The following GRXCR1 variants were observed in gnomAD, a reference collection of about 807,000 sequenced individuals.
The protein encoded by GRXCR1 is glutaredoxin and cysteine rich domain containing 1, also known as glutaredoxin domain-containing cysteine-rich protein 1.
Under a neutral mutation model 27.3 loss-of-function variants are expected in GRXCR1, and 27 were observed. The ratio of observed to expected loss-of-function variants is 0.99; its 90% CI spans 0.73 to 1.37. The LOEUF (loss-of-function observed/expected upper bound fraction) is 1.37, where lower values mean the gene tolerates loss of function less well. Among genes scored for constraint, GRXCR1 ranks in the 40% most tolerant of loss-of-function variants. The pLI, the probability that GRXCR1 is intolerant of heterozygous loss-of-function variation, is 0.00. For missense variants in GRXCR1, 379 were observed against 354.4 expected (o/e 1.07, Z -0.56); for synonymous variants, 122 against 131.1 (o/e 0.93, Z 0.47).
chr4:42,968,861 T>C (rs983874665), intron 2 of GRXCR1, among the ~76,000 whole-genome samples: 3 of 152,134 alleles, frequency 2.0e-5, no homozygotes. Flanking sequence ...AGGAATATAA[T>C]ATTCTAGATG....
intron 2 of GRXCR1, among the ~76,000 whole-genome samples, chr4:42,983,058 A>C (rs1327251803): frequency 6.6e-6 from 1 of 151,756 alleles, no homozygotes; most frequent in Non-Finnish European, 1.5e-5. Context: ...TCTTTAGTTT[A>C]ATTAGATCCC....
chr4:43,014,994 C>T (rs933598451), intron 2 of GRXCR1, among the ~76,000 whole-genome samples: 1 of 152,070 alleles, frequency 6.6e-6, no homozygotes, highest in Non-Finnish European at 1.5e-5. Flanking sequence ...ATAAAGAAAG[C>T]TTTATTGAGC....
At chr4:43,011,136 A>T (rs564145996) in intron 2 of GRXCR1, among the ~76,000 whole-genome samples, 1 of 152,158 alleles carries the variant, frequency 6.6e-6, no homozygotes, top group Non-Finnish European at 1.5e-5. Flanking sequence ...TTGTTTTGAA[A>T]ACACATAATA....
chr4:42,961,258 C>A lies in GRXCR1; in HGVS notation c.385-1634C>A, dbSNP rs375441684. Among the ~76,000 whole-genome samples, 8 of 152,050 alleles carry A rather than the reference C, an allele frequency of 5.3e-5. No individual in the cohort carries two copies. The South Asian group carries it at 1.7e-3, about 32-fold the overall frequency. Reference sequence around the variant, plus strand: ...CTTTATCCGGGCTATCATTCACGGGCATTTTGGTTGATTTCACGTCTTTGC... The same window carrying A: ...CTTTATCCGGGCTATCATTCACGGGAATTTTGGTTGATTTCACGTCTTTGC... On this transcript the variant is annotated intron_variant, in intron 1 of 3. Coordinates refer to ENST00000399770, the MANE Select transcript of GRXCR1 (RefSeq NM_001080476.3).
rs552319881 is a variant in GRXCR1 at position 42,893,411 on chromosome 4, A to G, written c.145A>G (p.Ile49Val). ...SGSLDSECAS[I>V]CGIDGLGDSD... ...CTCTCTGGATTCTGAATGTGCCAGT[A>G]TCTGTGGGATAGATGGACTAGGTGA... The change falls in exon 1 of 4, where the codon ATC becomes GTC. Residue 49 changes from isoleucine to valine, a missense_variant. By Grantham distance (29) the Ile-to-Val change is conservative. Transcript: ENST00000399770. The G allele has an allele frequency of 1.1e-5, 17 of 1,613,880 alleles. No individual in the cohort carries two copies. In the South Asian group the frequency reaches 1.6e-4, roughly 16 times the overall value.
chr4:43,015,108 G>T (rs1485852283), intron 2 of GRXCR1, among the ~76,000 whole-genome samples: 1 of 152,184 alleles, frequency 6.6e-6, no homozygotes, highest in Non-Finnish European at 1.5e-5. Context: ...CATGTGTAAA[G>T]GCATAAAATC....
rs10213360 is a variant in GRXCR1 at position 42,963,142 on chromosome 4, A to T, written c.627+8A>T. Reference sequence around the variant, plus strand: ...GATGGCCATTACCTTGGGGTAAGTAAGCTGCCCAGGAAAGTCTTTTTCATA... The same window carrying T: ...GATGGCCATTACCTTGGGGTAAGTATGCTGCCCAGGAAAGTCTTTTTCATA... On this transcript the variant is annotated splice_region_variant and intron_variant, in intron 2 of 3. Transcript: ENST00000399770. 51 of 1,611,964 alleles carry T rather than the reference A, an allele frequency of 3.2e-5. No homozygotes were observed. Among genetic ancestry groups the T allele is most frequent in the East Asian group, 4.5e-5 (2 of 44,850 alleles).
At chr4:42,946,151 T>G (rs932967122) in intron 1 of GRXCR1, among the ~76,000 whole-genome samples, 1 of 152,106 alleles carries the variant, frequency 6.6e-6, no homozygotes, top group Non-Finnish European at 1.5e-5. Flanking sequence ...ATATACCCAG[T>G]GGAATAGCCA....
chr4:43,006,092 G>GC (rs1216547744), intron 2 of GRXCR1, among the ~76,000 whole-genome samples: 1 of 152,060 alleles, frequency 6.6e-6, no homozygotes, highest in African/African-American at 2.4e-5. Context: ...GATTTCATGG[G>GC]CACTTATCAC....
At chr4:42,911,492 G>A (rs916984406) in intron 1 of GRXCR1, among the ~76,000 whole-genome samples, 1 of 152,126 alleles carries the variant, frequency 6.6e-6, no homozygotes, top group Non-Finnish European at 1.5e-5. Flanking sequence ...TTGCAAGATA[G>A]TATGGGTGAA....
At chr4:42,981,620 G>A (rs1748671657) in intron 2 of GRXCR1, among the ~76,000 whole-genome samples, 1 of 152,086 alleles carries the variant, frequency 6.6e-6, no homozygotes, top group Admixed American at 6.6e-5. Context: ...AGACAGATCT[G>A]GTGGTGATGA....
intron 1 of GRXCR1, among the ~76,000 whole-genome samples, chr4:42,955,842 AGG>A (rs1747990928): frequency 6.6e-6 from 1 of 152,116 alleles, no homozygotes; most frequent in South Asian, 2.1e-4. Flanking sequence ...AATCAGTGCG[AGG>A]CTAGAGCTAA....
intron 1 of GRXCR1, among the ~76,000 whole-genome samples, chr4:42,936,084 C>T (rs1747452149): frequency 6.6e-6 from 1 of 151,836 alleles, no homozygotes; most frequent in African/African-American, 2.4e-5. Context: ...GACTTGTAGT[C>T]CTGGCTTATG....
intron 1 of GRXCR1, among the ~76,000 whole-genome samples, chr4:42,940,547 T>C (rs985734087): frequency 5.9e-5 from 9 of 152,134 alleles, no homozygotes; most frequent in Non-Finnish European, 1.3e-4. Context: ...TGATCTCATT[T>C]GGCATTTTGG....
intron 1 of GRXCR1, among the ~76,000 whole-genome samples, chr4:42,935,476 G>T (rs1156929943): frequency 6.6e-6 from 1 of 151,876 alleles, no homozygotes; most frequent in Admixed American, 6.6e-5. Context: ...TTGTGCAACA[G>T]ATGTGGTTTA....
intron 1 of GRXCR1, among the ~76,000 whole-genome samples, chr4:42,926,302 G>C (rs1486430282): frequency 6.6e-6 from 1 of 151,960 alleles, no homozygotes; most frequent in Non-Finnish European, 1.5e-5. Flanking sequence ...AAGTATAAAC[G>C]AGAATGTTAG....
At chr4:42,932,495 C>T (rs1747337383) in intron 1 of GRXCR1, among the ~76,000 whole-genome samples, 1 of 147,004 alleles carries the variant, frequency 6.8e-6, no homozygotes, top group Non-Finnish European at 1.5e-5. Flanking sequence ...TTAGCAGCCT[C>T]TTGCCTGTAG....
At chr4:43,000,872 A>G (rs1156462538) in intron 2 of GRXCR1, among the ~76,000 whole-genome samples, 2 of 152,048 alleles carry the variant, frequency 1.3e-5, no homozygotes, top group Non-Finnish European at 2.9e-5. Flanking sequence ...TTTTAGCCGT[A>G]TACTTGGACT....
At chr4:42,983,115 C>A (rs1399145152) in intron 2 of GRXCR1, among the ~76,000 whole-genome samples, 1 of 150,424 alleles carries the variant, frequency 6.6e-6, no homozygotes, top group Non-Finnish European at 1.5e-5. Flanking sequence ...GTGTTTTAGA[C>A]ATGAAGTCCT....
Sources: gnomAD v4.1 joint callset for allele counts (sites outside exome capture counted in the v4.1 genomes callset) on GRCh38, gnomAD v4.1.1 for gene constraint, MANE v1.5 for transcripts, NCBI Gene and HGNC (gene_info 2026-07-23, HGNC 2026-07-21) for gene names.